The following ZNF536 variants were observed in gnomAD, a reference collection of about 807,000 sequenced individuals.
ZNF536 encodes zinc finger protein 536.
ZNF536 carries 13 observed loss-of-function variants against 84.5 expected under a neutral mutation model. That is an observed-to-expected ratio of 0.15 (90% CI 0.10 to 0.24). The LOEUF is 0.24. Ranked by LOEUF, ZNF536 falls within the 10% of genes least tolerant of loss-of-function variation. ZNF536 has a pLI of 1.00. For missense variants in ZNF536, 1,536 were observed against 1,747.5 expected, an observed-to-expected ratio of 0.88 and a Z score of 2.16; for synonymous variants, 811 against 742.5, an observed-to-expected ratio of 1.09 and a Z score of -1.50.
chr19:30,683,967 T>C (rs1369754875), intron 1 of ZNF536, among the ~76,000 whole-genome samples: 2 of 152,232 alleles, frequency 1.3e-5, no homozygotes, highest in Non-Finnish European at 2.9e-5. Flanking sequence ...CTTTTTTTGA[T>C]ACATTAAGAC....
intron 1 of ZNF536, among the ~76,000 whole-genome samples, chr19:30,707,261 C>A (rs945987281): frequency 1.3e-5 from 2 of 152,116 alleles, no homozygotes; most frequent in African/African-American, 4.8e-5. Context: ...CATCCCATTG[C>A]CTCTGATTGG....
At chr19:30,373,433 G>T (rs1354267639) in intron 1 of ZNF536, among the ~76,000 whole-genome samples, 1 of 150,982 alleles carries the variant, frequency 6.6e-6, no homozygotes, top group East Asian at 1.9e-4. Flanking sequence ...TTTAAATATT[G>T]AAATGCCTGG....
chr19:30,328,734 G>T (rs545733026), intron 2 of ZNF536, among the ~76,000 whole-genome samples: 1 of 152,252 alleles, frequency 6.6e-6, no homozygotes, highest in Non-Finnish European at 1.5e-5. Flanking sequence ...AAAGATCGTG[G>T]CATGTTCATA....
At chr19:30,675,707 A>G (rs535158171) in intron 1 of ZNF536, among the ~76,000 whole-genome samples, 81 of 152,292 alleles carry the variant, frequency 5.3e-4, no homozygotes, top group African/African-American at 1.8e-3. Flanking sequence ...CCTGGCGCCC[A>G]GAAAAAAGAG....
chr19:30,353,605 C>G (rs560671600), intron 3 of ZNF536, among the ~76,000 whole-genome samples: 3 of 152,116 alleles, frequency 2.0e-5, no homozygotes, highest in African/African-American at 7.2e-5. Context: ...TTCCGGGCCC[C>G]GGGCTTCCAG....
intron 1 of ZNF536, among the ~76,000 whole-genome samples, chr19:30,679,679 G>C (rs553313788): frequency 1.3e-5 from 2 of 152,198 alleles, no homozygotes; most frequent in African/African-American, 4.8e-5. Flanking sequence ...AGGCAGGTGC[G>C]TGTCGGCTCC....
At chr19:30,252,601 G>T (rs1405782777) in intron 1 of ZNF536, among the ~76,000 whole-genome samples, 1 of 152,164 alleles carries the variant, frequency 6.6e-6, no homozygotes, top group Non-Finnish European at 1.5e-5. Context: ...TTTTTTGAGT[G>T]AGTGGATATG....
chr19:30,443,256 T>G (rs1332172113), intron 1 of ZNF536, among the ~76,000 whole-genome samples: 1 of 152,280 alleles, frequency 6.6e-6, no homozygotes, highest in South Asian at 2.1e-4. Flanking sequence ...CGTAGACCCT[T>G]GATTTGTTAT....
At chr19:30,229,578 G>C (rs557766742) in intron 1 of ZNF536, among the ~76,000 whole-genome samples, 24 of 152,078 alleles carry the variant, frequency 1.6e-4, no homozygotes, top group Admixed American at 1.3e-4. Flanking sequence ...TGGTGGGGGG[G>C]GCTCAGCTTT....
At chr19:30,559,759 A>G (rs1053696869), downstream of ZNF536, among the ~76,000 whole-genome samples, 3 of 152,124 alleles carry the variant, frequency 2.0e-5, no homozygotes, top group Admixed American at 1.3e-4. Context: ...TTGCATTGAC[A>G]GCCTGGAAGG....
At chr19:30,412,586 G>C (rs1223578787) in intron 1 of ZNF536, among the ~76,000 whole-genome samples, 2 of 151,932 alleles carry the variant, frequency 1.3e-5, no homozygotes, top group African/African-American at 2.4e-5. Flanking sequence ...TTATATTGCT[G>C]TTTATAAATG....
chr19:30,522,033 C>T (rs914100908), intron 2 of ZNF536, among the ~76,000 whole-genome samples: 1 of 151,692 alleles, frequency 6.6e-6, no homozygotes, highest in Non-Finnish European at 1.5e-5. Context: ...GCCAGGGACA[C>T]GAACACTGGA....
intron 1 of ZNF536, among the ~76,000 whole-genome samples, chr19:30,687,565 ATCAGTGTAAAC>A (rs2051239814): frequency 6.6e-6 from 1 of 152,220 alleles, no homozygotes; most frequent in Admixed American, 6.5e-5. Flanking sequence ...AATAATCACT[ATCAGTGTAAAC>A]TCAAGGTCAC....
chr19:30,413,031 C>A (rs774160264), intron 1 of ZNF536, among the ~76,000 whole-genome samples: 4 of 151,910 alleles, frequency 2.6e-5, no homozygotes, highest in Non-Finnish European at 5.9e-5. Context: ...TGTATTTTAT[C>A]ATTATTTTAA....
intron 2 of ZNF536, among the ~76,000 whole-genome samples, chr19:30,497,861 C>T (rs1272265390): frequency 1.3e-5 from 2 of 152,092 alleles, no homozygotes; most frequent in East Asian, 1.9e-4. Flanking sequence ...GGACCAGATT[C>T]CAGAGACACC....
At chr19:30,274,690 A>G (rs1026557440) in intron 1 of ZNF536, among the ~76,000 whole-genome samples, 1 of 152,184 alleles carries the variant, frequency 6.6e-6, no homozygotes, top group Non-Finnish European at 1.5e-5. Flanking sequence ...GGTTTGGTGT[A>G]TAGACCATTT....
chr19:30,696,289 C>A, intron 1 of ZNF536, among the ~76,000 whole-genome samples: 1 of 152,148 alleles, frequency 6.6e-6, no homozygotes, highest in Admixed American at 6.5e-5. Flanking sequence ...CCCCTCCGCT[C>A]CCGGCTCCCC....
chr19:30,440,641 T>A (rs746323617), intron 1 of ZNF536, among the ~76,000 whole-genome samples: 2 of 152,106 alleles, frequency 1.3e-5, no homozygotes, highest in Non-Finnish European at 2.9e-5. Flanking sequence ...AAATGCTATG[T>A]AGAAGAAAGT....
chr19:30,672,639 C>G (rs145066348), intron 1 of ZNF536, among the ~76,000 whole-genome samples: 23 of 152,244 alleles, frequency 1.5e-4, no homozygotes, highest in Non-Finnish European at 2.5e-4. Context: ...TGATGAGAAG[C>G]CTGGTTTAAA....
Sources: gnomAD v4.1 joint callset for allele counts (sites outside exome capture counted in the v4.1 genomes callset) on GRCh38, gnomAD v4.1.1 for gene constraint, MANE v1.5 for transcripts, NCBI Gene and HGNC (gene_info 2026-07-23, HGNC 2026-07-21) for gene names.